The following OCIAD2 variants were observed in gnomAD, a reference collection of about 807,000 sequenced individuals.
OCIAD2 encodes the protein OCIA domain containing 2.
In OCIAD2, 29 loss-of-function variants were observed where a neutral mutation model predicts 22.9. That is an observed-to-expected ratio of 1.27 (90% confidence interval 0.94 to 1.73). The LOEUF is 1.73. OCIAD2 is among the 40% of genes most tolerant of loss of function. The pLI is 0.00. For missense variants in OCIAD2, 189 were observed against 180.3 expected (o/e 1.05, Z -0.28); for synonymous variants, 67 against 60.2 (o/e 1.11, Z -0.52).
chr4:48,886,038 C>A (rs1257129992), intron 6 of OCIAD2, among the ~76,000 whole-genome samples: 1 of 152,124 alleles, frequency 6.6e-6, no homozygotes, highest in African/African-American at 2.4e-5. Context: ...AGGTTTTCTT[C>A]TAGGATTTTT....
intron 4 of OCIAD2, among the ~76,000 whole-genome samples, chr4:48,895,469 T>G (rs964318949): frequency 6.6e-6 from 1 of 152,142 alleles, no homozygotes; most frequent in Non-Finnish European, 1.5e-5. Context: ...TGGCATGTAG[T>G]GAGGGTTATC....
chr4:48,904,516 T>C lies in OCIAD2; in HGVS notation c.34A>G (p.Lys12Glu), dbSNP rs200067527. 12 of 1,614,148 alleles carry C rather than the reference T, an allele frequency of 7.4e-6. No individual in the cohort carries two copies. In the East Asian group the frequency reaches 2.7e-4, roughly 36 times the overall value. The change falls in exon 2 of 7, where the codon AAA becomes GAA. Residue 12 changes from lysine (K) to glutamate (E), a missense_variant. Coordinates refer to ENST00000508632, the MANE Select transcript of OCIAD2 (RefSeq NM_001014446.3). ...CTTGGTGGTGGAAAATGGGCATCTT[T>C]ATCTTGGTTTCCACGAGCAGACGCT... ...ASASARGNQD[K>E]DAHFPPPSKQ...
At chr4:48,899,569 G>A (rs1781372594) in intron 3 of OCIAD2, among the ~76,000 whole-genome samples, 1 of 152,140 alleles carries the variant, frequency 6.6e-6, no homozygotes, top group African/African-American at 2.4e-5. Flanking sequence ...CTTGGTACAC[G>A]TTCTTGGTCA....
At chr4:48,904,460 C>T (rs372098496) in intron 2 of OCIAD2, 24 bp downstream of exon 2, 31 of 1,603,078 alleles carry the variant, frequency 1.9e-5, no homozygotes, top group East Asian at 1.3e-4. Context: ...ATCAATGAAT[C>T]GATCAATAAA....
Position 48,897,835 on chromosome 4 carries a change from G to T in OCIAD2, c.186C>A (p.Ser62Arg), listed in dbSNP as rs769030754. Reference protein sequence around the residue: ...WKRALPFSLVSMLVTQGLVYQ... With the variant: ...WKRALPFSLVRMLVTQGLVYQ... ...AGACTAGTCCCTGGGTGACAAGCAT[G>T]CTTACAAGAGAAAAAGGCAGAGCTG... Residue 62 changes from serine to arginine, a missense_variant, in exon 4 of 7, where the codon AGC (serine) becomes AGA (arginine). Coordinates refer to ENST00000508632, the MANE Select transcript of OCIAD2 (RefSeq NM_001014446.3). The T allele has an allele frequency of 1.2e-6, 2 of 1,612,518 alleles. No homozygotes were observed. Among genetic ancestry groups the T allele is most frequent in the Non-Finnish European group, 1.7e-6 (2 of 1,178,742 alleles).
At chr4:48,899,068 C>G (rs972140915) in intron 3 of OCIAD2, among the ~76,000 whole-genome samples, 1 of 152,160 alleles carries the variant, frequency 6.6e-6, no homozygotes, top group Non-Finnish European at 1.5e-5. Flanking sequence ...AGAATATCAA[C>G]TTCTAGAAAG....
intron 4 of OCIAD2, among the ~76,000 whole-genome samples, chr4:48,894,328 T>A (rs983081092): frequency 1.4e-4 from 21 of 151,884 alleles, no homozygotes; most frequent in African/African-American, 4.6e-4. Context: ...CCGTCTCCAC[T>A]AAAAAAATAC....
At chr4:48,901,547 C>T (rs1276522378) in intron 2 of OCIAD2, among the ~76,000 whole-genome samples, 1 of 152,130 alleles carries the variant, frequency 6.6e-6, no homozygotes, top group Admixed American at 6.6e-5. Flanking sequence ...TATAAAGTAA[C>T]ATTTATTATC....
At chr4:48,890,586 T>C (rs939729710) in intron 6 of OCIAD2, among the ~76,000 whole-genome samples, 3 of 152,204 alleles carry the variant, frequency 2.0e-5, no homozygotes, top group Admixed American at 1.3e-4. Flanking sequence ...GCCTAACTTG[T>C]CCCAGTTTCC....
intron 6 of OCIAD2, among the ~76,000 whole-genome samples, chr4:48,887,614 T>C (rs1413083882): frequency 2.0e-5 from 3 of 152,204 alleles, no homozygotes; most frequent in African/African-American, 7.2e-5. Context: ...CCATTTCTTG[T>C]TTTTTCAGGT....
Position 48,885,290 on chromosome 4 carries a change from C to T in OCIAD2, c.*194G>A, listed in dbSNP as rs541967377. ...AGGCATGAGCCACTGCGCCATGCCC[C>T]GACATGTTCTTAAAGAGCAGAAAAA... On this transcript the variant is annotated 3_prime_UTR_variant, in exon 7 of 7. Transcript: ENST00000508632. The T allele has an allele frequency of 1.4e-3, 758 of 550,180 alleles. 4 individuals are homozygous for T. The highest frequency in any genetic ancestry group is 0.013 in the African/African-American group (639 of 47,406). The allele number at this position is 550,180 out of a possible 1,614,324, so 34.1% of individuals were successfully genotyped here.
chr4:48,903,861 G>A (rs921060543), intron 2 of OCIAD2, among the ~76,000 whole-genome samples: 6 of 151,806 alleles, frequency 4.0e-5, no homozygotes, highest in African/African-American at 1.5e-4. Flanking sequence ...TGGCCAGGAT[G>A]GTCTCGATCT....
At chr4:48,904,441 C>T (rs1306454788) in intron 2 of OCIAD2, 43 bp downstream of exon 2, 8 of 1,539,274 alleles carry the variant, frequency 5.2e-6, no homozygotes, top group East Asian at 2.2e-5. Context: ...AGTGTGAGAT[C>T]GTGTCTCAAT....
rs145716682 is a variant in OCIAD2, at chr4:48,902,069, A to G, written c.67-2144T>C. Among the ~76,000 whole-genome samples the G allele has an allele frequency of 7.9e-5, 12 of 151,992 alleles. No individual in the cohort carries two copies. In the East Asian group the frequency reaches 1.9e-3, roughly 24 times the overall value. Reference sequence around the variant, plus strand: ...GGTATGAGTCACCATGCCTAGCCCCATTAAGTTTTTTTTTTAAATTTAACT... The same window carrying G: ...GGTATGAGTCACCATGCCTAGCCCCGTTAAGTTTTTTTTTTAAATTTAACT... On this transcript the variant is annotated intron_variant, in intron 2 of 6. Coordinates refer to ENST00000508632, the MANE Select transcript of OCIAD2 (RefSeq NM_001014446.3).
chr4:48,888,806 G>A (rs555114529), intron 6 of OCIAD2, among the ~76,000 whole-genome samples: 4 of 151,986 alleles, frequency 2.6e-5, no homozygotes, highest in Admixed American at 1.3e-4. Flanking sequence ...TCTTTTTTTT[G>A]TTGTGTCTGT....
In OCIAD2 at chr4:48,899,852, T is replaced by C; in HGVS notation, c.140A>G (p.Gln47Arg). ...AEISKIMREC[Q>R]EESFWKRALP... The stretch of plus-strand genomic sequence containing the variant: ...ACCTCTCTTCCAGAAACTTTCTTCC[T>C]GACATTCTCGCATAATCTTTGAGAT... Residue 47 changes from glutamine to arginine, a missense_variant, in exon 3 of 7, where the codon CAG becomes CGG. Coordinates refer to ENST00000508632, the MANE Select transcript of OCIAD2 (RefSeq NM_001014446.3). 1.2e-6 allele frequency: 2 copies of C among 1,613,590 alleles called. No individual in the cohort carries two copies. The highest frequency in any genetic ancestry group is 8.5e-7 in the Non-Finnish European group (1 of 1,179,764).
intron 4 of OCIAD2, among the ~76,000 whole-genome samples, chr4:48,895,208 C>T (rs1389162447): frequency 6.6e-6 from 1 of 152,184 alleles, no homozygotes; most frequent in Non-Finnish European, 1.5e-5. Flanking sequence ...TTTCAGCATT[C>T]TGATTTCCAA....
chr4:48,892,008 T>G (rs1349718332), intron 6 of OCIAD2, among the ~76,000 whole-genome samples: 1 of 152,200 alleles, frequency 6.6e-6, no homozygotes, highest in Non-Finnish European at 1.5e-5. Flanking sequence ...CAAAGTCACA[T>G]AGTTAGAAAA....
At position 48,892,350 on chromosome 4, in the gene OCIAD2, AGAG is replaced by A. The variant is rs560905362; in HGVS notation, c.383+419_383+421del. Among the ~76,000 whole-genome samples the A allele has an allele frequency of 2.2e-3, 334 of 152,372 alleles. 3 individuals carry two copies. The highest frequency in any genetic ancestry group is 3.2e-3 in the Non-Finnish European group (217 of 68,032). The stretch of plus-strand genomic sequence containing the variant: ...TTTTTAAACCAAGTACTATAACAGC[AGAG>A]GTGATGCCATTAACTCCAAAGTCGT... On this transcript the variant is annotated intron_variant, in intron 6 of 6. Transcript: ENST00000508632.
Sources: allele counts gnomAD v4.1 joint callset (sites outside exome capture counted in the v4.1 genomes callset), GRCh38; gene constraint gnomAD v4.1.1; transcripts MANE v1.5; gene names NCBI Gene and HGNC (gene_info 2026-07-23, HGNC 2026-07-21).